NDUFAF2: variants seen among roughly 807,000 people sequenced by gnomAD.
NDUFAF2 encodes the protein NADH:ubiquinone oxidoreductase complex assembly factor 2.
NDUFAF2 carries 13 observed loss-of-function variants against 22.8 expected under a neutral mutation model. The ratio of observed to expected loss-of-function variants is 0.57; its 90% confidence interval spans 0.37 to 0.91. The LOEUF (loss-of-function observed/expected upper bound fraction) is 0.91, where lower values mean the gene tolerates loss of function less well. Ranked by LOEUF, NDUFAF2 falls within the 40% of genes least tolerant of loss-of-function variation. The pLI is 0.01. For missense variants in NDUFAF2, 162 were observed against 195.2 expected, an observed-to-expected ratio of 0.83 and a Z score of 1.01; for synonymous variants, 53 against 64.2, an observed-to-expected ratio of 0.83 and a Z score of 0.84.
At chr5:61,086,329 G>A (rs946631155) in intron 2 of NDUFAF2, among the ~76,000 whole-genome samples, 1 of 152,064 alleles carries the variant, frequency 6.6e-6, no homozygotes, top group Non-Finnish European at 1.5e-5. Flanking sequence ...TTTAAATTTT[G>A]TATTAAAATA....
chr5:61,141,517 A>G (rs1271811977), intron 3 of NDUFAF2, among the ~76,000 whole-genome samples: 1 of 152,026 alleles, frequency 6.6e-6, no homozygotes, highest in East Asian at 1.9e-4. Context: ...TAGCCACATA[A>G]TTGGCCATTG....
At chr5:61,143,963 TGTGTGTGTGTGTG>T (rs1741094901) in intron 3 of NDUFAF2, among the ~76,000 whole-genome samples, 5 of 11,688 alleles carry the variant, frequency 4.3e-4, no homozygotes. Context: ...CATATTTTTG[TGTGTGTGTGTGTG>T]TGTGTGTGTG....
At position 61,138,622 on chromosome 5, in the gene NDUFAF2, T is replaced by C. The variant is rs77753549; in HGVS notation, c.259-14082T>C. Among the ~76,000 whole-genome samples the C allele has an allele frequency of 8.6e-3, 1,316 of 152,264 alleles. 23 individuals carry two copies. The highest frequency in any genetic ancestry group is 0.03 in the African/African-American group (1,262 of 41,542). On this transcript the variant is annotated intron_variant, in intron 3 of 3. Transcript: ENST00000296597. ...TCCTCTCTATGTTCATGAAGTAGGG[T>C]GTTGCCTTGGAGCTTGCTTTTATCT...
chr5:60,962,254 CT>C (rs944432051), intron 1 of NDUFAF2, among the ~76,000 whole-genome samples: 8 of 151,242 alleles, frequency 5.3e-5, no homozygotes, highest in Non-Finnish European at 2.9e-5. Context: ...TGACATTCTT[CT>C]TTTCACATTT....
At chr5:60,987,386 T>C (rs540975729) in intron 1 of NDUFAF2, among the ~76,000 whole-genome samples, 4 of 152,178 alleles carry the variant, frequency 2.6e-5, no homozygotes, top group Non-Finnish European at 2.9e-5. Flanking sequence ...ACTGAAGATA[T>C]TCCAAAAAAT....
At chr5:61,058,076 C>T (rs1372536863) in intron 1 of NDUFAF2, among the ~76,000 whole-genome samples, 1 of 152,082 alleles carries the variant, frequency 6.6e-6, no homozygotes, top group East Asian at 1.9e-4. Flanking sequence ...CGGTCTTTGA[C>T]TCTTTTATGG....
Position 61,005,967 on chromosome 5 carries a change from T to A in NDUFAF2, c.127+60585T>A, listed in dbSNP as rs1418392541. Among the ~76,000 whole-genome samples, 5 of 152,338 alleles carry A rather than the reference T, an allele frequency of 3.3e-5. No individual in the cohort carries two copies. In the East Asian group the frequency reaches 9.6e-4, roughly 29 times the overall value. The stretch of plus-strand genomic sequence containing the variant: ...TTAACTAGATCCCATTTGTCAATTT[T>A]GGCTTTTGTTGCCATTGCTTTTGGT... On this transcript the variant is annotated intron_variant, in intron 1 of 3. Coordinates refer to ENST00000296597, the MANE Select transcript of NDUFAF2 (RefSeq NM_174889.5).
intron 3 of NDUFAF2, among the ~76,000 whole-genome samples, chr5:61,145,074 G>A (rs1036490669): frequency 2.0e-5 from 3 of 152,154 alleles, no homozygotes; most frequent in Non-Finnish European, 2.9e-5. Flanking sequence ...AAGTCAGCAT[G>A]TTAGTAGATT....
chr5:61,048,902 A>G (rs75270334), intron 1 of NDUFAF2, among the ~76,000 whole-genome samples: 2,189 of 152,220 alleles, frequency 0.014, 66 homozygotes, highest in African/African-American at 0.05. Context: ...TGGTAGAACC[A>G]CATTCACAAT....
chr5:61,147,256 CT>C (rs147027550), intron 3 of NDUFAF2, among the ~76,000 whole-genome samples: 31 of 144,906 alleles, frequency 2.1e-4, no homozygotes, highest in South Asian at 2.2e-4. Flanking sequence ...CTTTTGGAAG[CT>C]TTTTTTTTTG....
intron 1 of NDUFAF2, among the ~76,000 whole-genome samples, chr5:61,068,363 T>C (rs1752255649): frequency 6.6e-6 from 1 of 152,142 alleles, no homozygotes; most frequent in Admixed American, 6.6e-5. Context: ...GAAATTTCTT[T>C]TTCCTCAGAA....
intron 3 of NDUFAF2, among the ~76,000 whole-genome samples, chr5:61,104,681 G>A (rs1752741603): frequency 1.3e-5 from 2 of 152,062 alleles, no homozygotes; most frequent in Middle Eastern, 3.4e-3. Context: ...TGGCCCTAAA[G>A]GACATCACAG....
At chr5:61,079,587 G>T (rs916726248) in intron 2 of NDUFAF2, among the ~76,000 whole-genome samples, 1 of 152,200 alleles carries the variant, frequency 6.6e-6, no homozygotes, top group African/African-American at 2.4e-5. Flanking sequence ...TGAACCTCCA[G>T]TACACTTGAA....
At chr5:61,058,497 A>G (rs1361714034) in intron 1 of NDUFAF2, among the ~76,000 whole-genome samples, 2 of 152,020 alleles carry the variant, frequency 1.3e-5, no homozygotes, top group Non-Finnish European at 2.9e-5. Flanking sequence ...AATCACATTC[A>G]TAAATGTCCT....
intron 1 of NDUFAF2, among the ~76,000 whole-genome samples, chr5:61,023,306 T>C (rs1751609399): frequency 1.3e-5 from 2 of 152,150 alleles, no homozygotes; most frequent in Admixed American, 6.5e-5. Flanking sequence ...CATTGTGGCT[T>C]TTCTGTCTTT....
At chr5:61,097,361 C>T (rs1220369250) in intron 2 of NDUFAF2, among the ~76,000 whole-genome samples, 11 of 152,100 alleles carry the variant, frequency 7.2e-5, no homozygotes, top group Admixed American at 6.6e-4. Context: ...CATTAACCTA[C>T]AGTTGGGCAA....
chr5:61,094,867 C>T (rs1242194832), intron 2 of NDUFAF2, among the ~76,000 whole-genome samples: 1 of 152,086 alleles, frequency 6.6e-6, no homozygotes, highest in Non-Finnish European at 1.5e-5. Context: ...AGATACAGAC[C>T]TGTTGCCGGC....
At chr5:61,010,477 C>G (rs1428990637) in intron 1 of NDUFAF2, among the ~76,000 whole-genome samples, 3 of 152,068 alleles carry the variant, frequency 2.0e-5, no homozygotes, top group East Asian at 3.9e-4. Context: ...TTTCTGCATT[C>G]AACTCTTCCA....
At chr5:61,019,241 A>G (rs1426215924) in intron 1 of NDUFAF2, among the ~76,000 whole-genome samples, 1 of 152,110 alleles carries the variant, frequency 6.6e-6, no homozygotes, top group Non-Finnish European at 1.5e-5. Context: ...TAGTTGTATT[A>G]TGGGGATAAC....
Sources: allele counts gnomAD v4.1 joint callset (sites outside exome capture counted in the v4.1 genomes callset), GRCh38; gene constraint gnomAD v4.1.1; transcripts MANE v1.5; gene names NCBI Gene and HGNC (gene_info 2026-07-23, HGNC 2026-07-21).